IL1RAP: variants seen among roughly 807,000 people sequenced by gnomAD.
The protein encoded by IL1RAP is interleukin-1 receptor accessory protein.
In IL1RAP, 35 loss-of-function variants were observed where a neutral mutation model predicts 60.7. The observed-to-expected ratio is 0.58, with a 90% CI of 0.44 to 0.76. The LOEUF (loss-of-function observed/expected upper bound fraction) is 0.76. IL1RAP is among the 30% of genes least tolerant of loss of function. The pLI is 0.00. For synonymous variants in IL1RAP, 268 were observed against 250.9 expected (o/e 1.07, Z -0.64); for missense variants, 572 against 693.9 (o/e 0.82, Z 1.97).
chr3:190,643,174 C>T (rs773865879), intron 9 of IL1RAP, among the ~76,000 whole-genome samples: 1 of 152,050 alleles, frequency 6.6e-6, no homozygotes, highest in Admixed American at 6.6e-5. Flanking sequence ...ATGCTGTAAT[C>T]AAATGATAAA....
At chr3:190,555,278 A>C (rs1000216352) in intron 1 of IL1RAP, among the ~76,000 whole-genome samples, 2 of 140,372 alleles carry the variant, frequency 1.4e-5, no homozygotes, top group African/African-American at 2.7e-5. Context: ...CACATTGCCC[A>C]AGTGATGTGC....
At chr3:190,564,268 C>A in intron 2 of IL1RAP, 21 bp from the exon 3 acceptor site, 1 of 1,544,552 alleles carries the variant, frequency 6.5e-7, no homozygotes, top group South Asian at 1.1e-5. Flanking sequence ...ATTTCCCTTA[C>A]CTTTGTATTT....
rs1722124869 is a variant in IL1RAP at position 190,522,336 on chromosome 3, TCCTTCCTCCCTC to T, written c.-89+8121_-89+8132del. 2.2e-5 allele frequency among the ~76,000 whole-genome samples: 3 copies of T among 138,166 alleles called. No individual in the cohort carries two copies. The South Asian group carries it at 6.8e-4, about 31-fold the overall frequency. The allele number at this position is 138,166 out of a possible 152,430, so 90.6% of individuals were successfully genotyped here. On this transcript the variant is annotated intron_variant, in intron 1 of 11. Transcript: ENST00000447382. ...TTCCTTCCTTCCTTCCTTCCTTCCT[TCCTTCCTCCCTC>T]CCTCCCTTCGTTCCTCTTCCTTCCT...
At chr3:190,517,812 T>C (rs1577482198) in intron 1 of IL1RAP, 1 of 152,188 alleles carries the variant, frequency 6.6e-6, no homozygotes, top group Non-Finnish European at 1.5e-5. Flanking sequence ...AAAGATTATC[T>C]CCAGCCTATA....
At chr3:190,562,202 A>G (rs1032266333) in intron 2 of IL1RAP, among the ~76,000 whole-genome samples, 5 of 152,110 alleles carry the variant, frequency 3.3e-5, no homozygotes, top group Admixed American at 2.0e-4. Context: ...TTTTTCTCAC[A>G]TGTTCCTTCT....
intron 9 of IL1RAP, among the ~76,000 whole-genome samples, chr3:190,635,031 G>T (rs57549596): frequency 1.3e-5 from 2 of 151,956 alleles, no homozygotes; most frequent in African/African-American, 4.8e-5. Flanking sequence ...TTCTTTTTGG[G>T]AAAGCTTTTA....
At chr3:190,629,651 A>C in intron 9 of IL1RAP, 153 bp downstream of exon 9, 1 of 1,392,706 alleles carries the variant, frequency 7.2e-7, no homozygotes, top group African/African-American at 1.5e-5. Context: ...GAAAAATATG[A>C]AAGTTTTCAT....
intron 6 of IL1RAP, among the ~76,000 whole-genome samples, chr3:190,622,928 C>T (rs894857616): frequency 2.6e-5 from 4 of 152,208 alleles, no homozygotes; most frequent in South Asian, 2.1e-4. Flanking sequence ...TACTAGCGCT[C>T]ATCCAGAAGC....
intron 1 of IL1RAP, among the ~76,000 whole-genome samples, chr3:190,548,519 C>T (rs1724577502): frequency 6.6e-6 from 1 of 152,132 alleles, no homozygotes; most frequent in Admixed American, 6.5e-5. Flanking sequence ...ATTCCTACTA[C>T]CCAGAAATTG....
chr3:190,598,210 C>T (rs377026217), intron 3 of IL1RAP, among the ~76,000 whole-genome samples: 29 of 152,240 alleles, frequency 1.9e-4, no homozygotes, highest in African/African-American at 6.0e-4. Context: ...TTGCAAAACA[C>T]GTGAAGAATA....
chr3:190,629,248 C>T lies in IL1RAP; in HGVS notation c.903-102C>T, dbSNP rs545948454. 84 of 763,628 alleles carry T rather than the reference C, an allele frequency of 1.1e-4. 1 individual carries two copies. The South Asian group carries it at 1.3e-3, about 12-fold the overall frequency. The allele number at this position is 763,628 out of a possible 1,614,324, so 47.3% of individuals were successfully genotyped here. ...AGCTTATCAACCTTCCTCGCCCTCA[C>T]CTGTAGTGGGGGTCTGTGGTTGCTT... On this transcript the variant is annotated intron_variant, in intron 8 of 11. Transcript: ENST00000447382.
intron 9 of IL1RAP, among the ~76,000 whole-genome samples, chr3:190,637,102 A>G (rs1408423855): frequency 6.6e-6 from 1 of 152,110 alleles, no homozygotes; most frequent in Non-Finnish European, 1.5e-5. Context: ...GCTATAATAC[A>G]TTTTGGTTTT....
At chr3:190,656,188 C>T, downstream of IL1RAP, 1 of 1,537,264 alleles carries the variant, frequency 6.5e-7, no homozygotes, top group Non-Finnish European at 8.7e-7. Context: ...CCTGAGAAGT[C>T]TGAGTGCCAG....
At chr3:190,610,526 A>G (rs1730732987) in intron 5 of IL1RAP, among the ~76,000 whole-genome samples, 2 of 152,100 alleles carry the variant, frequency 1.3e-5, no homozygotes, top group South Asian at 4.1e-4. Context: ...TAAAAAAATG[A>G]CAAATACAAT....
chr3:190,566,521 G>A (rs1726415184), intron 3 of IL1RAP, among the ~76,000 whole-genome samples: 1 of 152,148 alleles, frequency 6.6e-6, no homozygotes, highest in Non-Finnish European at 1.5e-5. Context: ...CTGTTGGTAA[G>A]AGAGCTTTCT....
At chr3:190,532,156 A>T (rs1226841348) in intron 1 of IL1RAP, among the ~76,000 whole-genome samples, 2 of 152,174 alleles carry the variant, frequency 1.3e-5, no homozygotes, top group Non-Finnish European at 2.9e-5. Context: ...AGAGAGTCAA[A>T]GGCAAGTCTT....
chr3:190,524,873 CAT>C (rs1468092018), intron 1 of IL1RAP, among the ~76,000 whole-genome samples: 3 of 151,948 alleles, frequency 2.0e-5, no homozygotes, highest in Admixed American at 6.6e-5. Flanking sequence ...CATATACACA[CAT>C]ATATATACAC....
intron 3 of IL1RAP, among the ~76,000 whole-genome samples, chr3:190,566,767 A>G (rs1726443081): frequency 6.6e-6 from 1 of 152,212 alleles, no homozygotes; most frequent in African/African-American, 2.4e-5. Context: ...GACAAAAACG[A>G]AAAGAGCAAC....
chr3:190,606,083 G>A (rs1488465801), intron 4 of IL1RAP, among the ~76,000 whole-genome samples: 1 of 152,100 alleles, frequency 6.6e-6, no homozygotes, highest in African/African-American at 2.4e-5. Flanking sequence ...GTTCTTGGGG[G>A]TTGCAGGTAA....
Sources: allele counts gnomAD v4.1 joint callset (sites outside exome capture counted in the v4.1 genomes callset), GRCh38; gene constraint gnomAD v4.1.1; transcripts MANE v1.5; gene names NCBI Gene and HGNC (gene_info 2026-07-23, HGNC 2026-07-21).